SPINK13: variants seen among roughly 807,000 people sequenced by gnomAD.
SPINK13 encodes the protein serine peptidase inhibitor Kazal type 13.
SPINK13 carries 11 observed loss-of-function variants against 11.0 expected under a neutral mutation model. The observed-to-expected ratio is 1.00, with a 90% CI of 0.63 to 1.65. The LOEUF is 1.65. Ranked by LOEUF, SPINK13 falls within the 40% of genes most tolerant of loss-of-function variation. The pLI, the probability that SPINK13 is intolerant of heterozygous loss-of-function variation, is 0.00. For synonymous variants in SPINK13, 31 were observed against 35.6 expected, an observed-to-expected ratio of 0.87 and a Z score of 0.46; for missense variants, 113 against 117.7, an observed-to-expected ratio of 0.96 and a Z score of 0.19.
At chr5:148,274,931 G>T (rs1332535091) in intron 3 of SPINK13, among the ~76,000 whole-genome samples, 1 of 152,104 alleles carries the variant, frequency 6.6e-6, no homozygotes, top group East Asian at 1.9e-4. Flanking sequence ...TGATCATTAA[G>T]TAAAATAATA....
intron 4 of SPINK13, among the ~76,000 whole-genome samples, chr5:148,284,988 A>T (rs1254475318): frequency 6.6e-6 from 1 of 152,208 alleles, no homozygotes; most frequent in Admixed American, 6.5e-5. Flanking sequence ...ATGAGAATAG[A>T]AAGCAACCTT....
chr5:148,277,851 C>G (rs555053010), intron 3 of SPINK13, among the ~76,000 whole-genome samples: 17 of 152,258 alleles, frequency 1.1e-4, no homozygotes, highest in African/African-American at 3.4e-4. Context: ...AGGAATGGTA[C>G]CAGCTCCTCT....
chr5:148,274,974 C>T (rs1325380399), intron 3 of SPINK13, among the ~76,000 whole-genome samples: 3 of 152,022 alleles, frequency 2.0e-5, no homozygotes, highest in East Asian at 1.9e-4. Context: ...AAAGCTAAAC[C>T]GTGGTAAATC....
intron 3 of SPINK13, among the ~76,000 whole-genome samples, chr5:148,275,017 G>C (rs1756404247): frequency 6.6e-6 from 1 of 152,122 alleles, no homozygotes; most frequent in African/African-American, 2.4e-5. Context: ...TAAGTTTTGG[G>C]ATACATGTGC....
At chr5:148,282,295 CAT>C (rs2113375124) in intron 4 of SPINK13, 64 bp downstream of exon 4, 1 of 1,591,628 alleles carries the variant, frequency 6.3e-7, no homozygotes, top group Non-Finnish European at 8.6e-7. Context: ...TTCAAAGAAA[CAT>C]AGTCAAGGAA....
In SPINK13 at chr5:148,286,172, TGA is replaced by T. The variant is rs1241520462; in HGVS notation, c.*129_*130del. On this transcript the variant is annotated 3_prime_UTR_variant, in exon 5 of 5. Coordinates refer to ENST00000398450, the MANE Select transcript of SPINK13 (RefSeq NM_001040129.3). The stretch of plus-strand genomic sequence containing the variant: ...TGCTGTACTTAAATGTCGAACAAAA[TGA>T]GAGACAAAAATGAAGGAATCAAACT... The T allele has an allele frequency of 3.8e-6, 2 of 526,172 alleles. No homozygotes were observed. The highest frequency in any genetic ancestry group is 6.3e-6 in the Non-Finnish European group (2 of 319,348). The allele number at this position is 526,172 out of a possible 1,614,324, so 32.6% of individuals were successfully genotyped here. A position where few individuals can be genotyped will look rare whatever the true frequency, so the allele number is the denominator to read the frequency against.
Position 148,278,008 on chromosome 5 carries a change from G to A in SPINK13, c.108+3624G>A, listed in dbSNP as rs545023730. On this transcript the variant is annotated intron_variant, in intron 3 of 4. Coordinates refer to ENST00000398450, the MANE Select transcript of SPINK13 (RefSeq NM_001040129.3). ...CTTCCTGGTTTAGTCTTGGGAGGAC[G>A]TATGTGTCCAGGAATTTATCCATTT... Among the ~76,000 whole-genome samples, 5 of 152,264 alleles carry A rather than the reference G, an allele frequency of 3.3e-5. No individual in the cohort carries two copies. In the East Asian group the frequency reaches 7.7e-4, roughly 23 times the overall value.
At chr5:148,285,428 T>C (rs914683093) in intron 4 of SPINK13, among the ~76,000 whole-genome samples, 8 of 152,156 alleles carry the variant, frequency 5.3e-5, no homozygotes, top group African/African-American at 1.9e-4. Context: ...GCCAACTGTT[T>C]GGGAAAACAC....
At chr5:148,285,603 C>A (rs1756577956) in intron 4 of SPINK13, among the ~76,000 whole-genome samples, 1 of 152,084 alleles carries the variant, frequency 6.6e-6, no homozygotes, top group Admixed American at 6.5e-5. Flanking sequence ...AGACTACAAT[C>A]AATGGACAGT....
At chr5:148,276,397 C>T (rs1290562061) in intron 3 of SPINK13, among the ~76,000 whole-genome samples, 1 of 152,090 alleles carries the variant, frequency 6.6e-6, no homozygotes, top group Non-Finnish European at 1.5e-5. Context: ...AATAGTATTG[C>T]CTAGGTTTTC....
intron 3 of SPINK13, among the ~76,000 whole-genome samples, chr5:148,278,233 T>C (rs931376298): frequency 3.9e-5 from 6 of 152,212 alleles, no homozygotes; most frequent in Admixed American, 2.6e-4. Flanking sequence ...CCTAGATTCA[T>C]TGATTTTTTG....
chr5:148,270,020 A>G lies in SPINK13; in HGVS notation c.-33-20A>G. 6.3e-7 allele frequency: 1 copy of G among 1,577,130 alleles called. No homozygotes were observed. On this transcript the variant is annotated intron_variant, in intron 1 of 4. Transcript: ENST00000398450. ...GCTAGCTGTGGGGGAAACTAAAAACAATCTTGGGCATGTTCACAGGCCTTA... is the reference window on the plus strand; with the variant it reads ...GCTAGCTGTGGGGGAAACTAAAAACGATCTTGGGCATGTTCACAGGCCTTA...
chr5:148,274,528 A>C, intron 3 of SPINK13, 144 bp downstream of exon 3: 2 of 630,162 alleles, frequency 3.2e-6, no homozygotes, highest in Non-Finnish European at 5.4e-6. Flanking sequence ...CAGGAGGATC[A>C]CCTGAGCCCA....
At position 148,269,142 on chromosome 5, in the gene SPINK13, G is replaced by T. The variant is rs181014495; in HGVS notation, c.-34+254G>T. The T allele has an allele frequency of 2.0e-5, 3 of 152,270 alleles. No homozygotes were observed. In the East Asian group the frequency reaches 5.8e-4, roughly 29 times the overall value. 9.4% of individuals were successfully genotyped at this position (152,270 alleles called of 1,614,324 possible). A position where few individuals can be genotyped will look rare whatever the true frequency, so the allele number is the denominator to read the frequency against. On this transcript the variant is annotated intron_variant, in intron 1 of 4. Transcript: ENST00000398450. ...CAAGTTAAGGAAATGGACGGGGAAG[G>T]TATCTTCTCCCTGGGCCTAAATATT...
rs1450958527 is a variant in SPINK13, at chr5:148,270,516, G to T, written c.70+374G>T. ...ATATGATAATGAAAAATAAGCCAAT[G>T]AAAAAAGCTATTTCTGTGATTGATG... On this transcript the variant is annotated intron_variant, in intron 2 of 4. Coordinates refer to ENST00000398450, the MANE Select transcript of SPINK13 (RefSeq NM_001040129.3). 5.3e-5 allele frequency among the ~76,000 whole-genome samples: 8 copies of T among 152,220 alleles called. No homozygotes were observed. In the East Asian group the frequency reaches 1.5e-3, roughly 29 times the overall value.
At chr5:148,269,527 G>T (rs1203753849) in intron 1 of SPINK13, among the ~76,000 whole-genome samples, 1 of 152,056 alleles carries the variant, frequency 6.6e-6, no homozygotes, top group Non-Finnish European at 1.5e-5. Context: ...AAATTTAGCT[G>T]GGAAATAAAG....
intron 2 of SPINK13, 71 bp downstream of exon 2, chr5:148,270,213 T>A: frequency 6.6e-7 from 1 of 1,504,816 alleles, no homozygotes; most frequent in East Asian, 2.3e-5. Context: ...AAACGAGTAA[T>A]TTTTTACTTT....
chr5:148,270,375 G>C (rs1322087544), intron 2 of SPINK13, among the ~76,000 whole-genome samples: 2 of 152,100 alleles, frequency 1.3e-5, no homozygotes, highest in African/African-American at 4.8e-5. Context: ...AAATCCTCTA[G>C]AGCAGAGAAA....
intron 4 of SPINK13, 95 bp downstream of exon 4, chr5:148,282,326 TA>T: frequency 6.9e-7 from 1 of 1,442,932 alleles, no homozygotes; most frequent in Non-Finnish European, 9.4e-7. Context: ...TACTGATGCA[TA>T]CTTTTTTTAA....
Sources: gnomAD v4.1 joint callset for allele counts (sites outside exome capture counted in the v4.1 genomes callset) on GRCh38, gnomAD v4.1.1 for gene constraint, MANE v1.5 for transcripts, NCBI Gene and HGNC (gene_info 2026-07-23, HGNC 2026-07-21) for gene names.